COL7A1: variants seen among roughly 807,000 people sequenced by gnomAD.
COL7A1 encodes the protein collagen type VII alpha 1 chain.
COL7A1 carries 296 observed loss-of-function variants against 456.2 expected under a neutral mutation model. The ratio of observed to expected loss-of-function variants is 0.65; its 90% CI spans 0.59 to 0.71. The LOEUF (loss-of-function observed/expected upper bound fraction) is 0.71. Among genes scored for constraint, COL7A1 ranks in the 30% least tolerant of loss-of-function variants. COL7A1 has a pLI of 0.00. For synonymous variants in COL7A1, 1,464 were observed against 1,525.9 expected, an observed-to-expected ratio of 0.96 and a Z score of 0.95; for missense variants, 3,441 against 4,017.2, an observed-to-expected ratio of 0.86 and a Z score of 3.88.
Position 48,575,715 on chromosome 3 carries a change from C to G in COL7A1, c.5890G>C (p.Asp1964His), listed in dbSNP as rs1414380926. 2 of 1,613,924 alleles carry G rather than the reference C, an allele frequency of 1.2e-6. No individual in the cohort carries two copies. The highest frequency in any genetic ancestry group is 2.7e-5 in the African/African-American group (2 of 75,058). The change falls in exon 73 of 119, where the codon GAT (aspartate) becomes CAT (histidine). Residue 1964 changes from aspartate (D) to histidine (H), a missense_variant. By Grantham distance (81) the Asp-to-His change is moderately conservative. Around this residue, in one of 3 missense-constraint regions of COL7A1, gnomAD observed 2,084 missense variants for 2,501.3 expected, o/e 0.83. Coordinates refer to ENST00000681320, the MANE Select transcript of COL7A1 (RefSeq NM_000094.4). This position sits in a 1 kb window ranked among gnomAD's most constrained non-coding sequence, Gnocchi z 6.3. Reference protein sequence around the residue: ...SALREIVETWDESSGSFLPVP... With the variant: ...SALREIVETWHESSGSFLPVP... ...GGCAGGAAGCTACCAGAGCTCTCAT[C>G]CCAGGTCTCCACGATCTCCCGCAGG...
chr3:48,564,779 A>G lies in COL7A1; in HGVS notation c.8818+4T>C, dbSNP rs866959368. The G allele has an allele frequency of 6.2e-7, 1 of 1,613,336 alleles. No individual in the cohort carries two copies. Among genetic ancestry groups the G allele is most frequent in the Admixed American group, 1.7e-5 (1 of 59,988 alleles). ...GTTCCCCACGGTGGGGGCTCAGCCCATACCTGTCCCCTGGCTCTGGACCAC... is the reference window on the plus strand; with the variant it reads ...GTTCCCCACGGTGGGGGCTCAGCCCGTACCTGTCCCCTGGCTCTGGACCAC... On this transcript the variant is annotated splice_donor_region_variant and intron_variant, in intron 118 of 118. Coordinates refer to ENST00000681320, the MANE Select transcript of COL7A1 (RefSeq NM_000094.4). The surrounding 1 kb of genome is among the most constrained non-coding windows in gnomAD (Gnocchi z 6.0).
In COL7A1 at chr3:48,570,963, A is replaced by G. The variant is rs1322915563; in HGVS notation, c.7170T>C (p.Asp2390=). The G allele has an allele frequency of 6.2e-7, 1 of 1,613,436 alleles. No individual in the cohort carries two copies. Among genetic ancestry groups the G allele is most frequent in the Admixed American group, 1.7e-5 (1 of 59,920 alleles). ...GPPGPPGVKG[D]LGLPGLPGAP... The stretch of plus-strand genomic sequence containing the variant: ...CACCGGGCAGGCCAGGGAGGCCCAG[A>G]TCTCCCTGAAATAAAAACAGCAAAG... Residue 2390 remains aspartate (D), a synonymous_variant, in exon 95 of 119, where the codon GAT becomes GAC. Coordinates refer to ENST00000681320, the MANE Select transcript of COL7A1 (RefSeq NM_000094.4). This position sits in a 1 kb window ranked among gnomAD's most constrained non-coding sequence, Gnocchi z 5.5.
At position 48,583,135 on chromosome 3, in the gene COL7A1, C is replaced by T; in HGVS notation, c.4474G>A (p.Gly1492Arg). 6.2e-7 allele frequency: 1 copy of T among 1,613,956 alleles called. No individual in the cohort carries two copies. The highest frequency in any genetic ancestry group is 8.5e-7 in the Non-Finnish European group (1 of 1,180,008). ...CCCCAGGTTGCACTTACCTTCTCTC[C>T]AGCCTCACCCAGGGGCCCTGGAAAG... is the stretch of plus-strand genomic sequence containing the variant. ...RGFPGPLGEA[G>R]EKGERGPPGP... Residue 1492 changes from glycine to arginine, a missense_variant, in exon 43 of 119, where the codon GGA becomes AGA. Gly to Arg is a moderately radical substitution (Grantham distance 125). Around this residue, in one of 3 missense-constraint regions of COL7A1, gnomAD observed 2,084 missense variants for 2,501.3 expected, o/e 0.83. Coordinates refer to ENST00000681320, the MANE Select transcript of COL7A1 (RefSeq NM_000094.4). This position sits in a 1 kb window ranked among gnomAD's most constrained non-coding sequence, Gnocchi z 5.1.
Position 48,564,778 on chromosome 3 carries a change from C to A in COL7A1, c.8818+5G>T. On this transcript the variant is annotated splice_donor_5th_base_variant and intron_variant, in intron 118 of 118. Coordinates refer to ENST00000681320, the MANE Select transcript of COL7A1 (RefSeq NM_000094.4). This position sits in a 1 kb window ranked among gnomAD's most constrained non-coding sequence, Gnocchi z 6.0. ...AGTTCCCCACGGTGGGGGCTCAGCCCATACCTGTCCCCTGGCTCTGGACCA... is the reference window on the plus strand; with the variant it reads ...AGTTCCCCACGGTGGGGGCTCAGCCAATACCTGTCCCCTGGCTCTGGACCA... 1 of 1,613,306 alleles carries A rather than the reference C, an allele frequency of 6.2e-7. No individual in the cohort carries two copies. The highest frequency in any genetic ancestry group is 8.5e-7 in the Non-Finnish European group (1 of 1,179,758).
At position 48,580,747 on chromosome 3, in the gene COL7A1, AAT is replaced by A; in HGVS notation, c.4981-97_4981-96del. ...TGCCCCAGGTTCCCCATTACTCCAA[AAT>A]CCACATCAGAGGTTCCCATCACCCC... On this transcript the variant is annotated intron_variant, in intron 54 of 118. Transcript: ENST00000681320. The surrounding 1 kb of genome is among the most constrained non-coding windows in gnomAD (Gnocchi z 4.5). 6.4e-7 allele frequency: 1 copy of A among 1,567,734 alleles called. No individual in the cohort carries two copies. Among genetic ancestry groups the A allele is most frequent in the Non-Finnish European group, 8.8e-7 (1 of 1,140,636 alleles).
Position 48,568,665 on chromosome 3 carries a change from C to T in COL7A1, c.7758+119G>A. On this transcript the variant is annotated intron_variant, in intron 104 of 118. Transcript: ENST00000681320. This position sits in a 1 kb window ranked among gnomAD's most constrained non-coding sequence, Gnocchi z 5.2. ...CACACACAGATCCCGGGTGAACACA[C>T]ATGGGGCCGGCAGCAAGGGAGCCAG... The T allele has an allele frequency of 6.8e-7, 1 of 1,479,074 alleles. No homozygotes were observed. The highest frequency in any genetic ancestry group is 1.4e-5 in the African/African-American group (1 of 71,798). 91.6% of individuals were successfully genotyped at this position (1,479,074 alleles called of 1,614,324 possible).
At position 48,570,563 on chromosome 3, in the gene COL7A1, G is replaced by A. The variant is rs2107646937; in HGVS notation, c.7345-63C>T. The A allele has an allele frequency of 6.2e-7, 1 of 1,613,690 alleles. No homozygotes were observed. Among genetic ancestry groups the A allele is most frequent in the Non-Finnish European group, 8.5e-7 (1 of 1,179,722 alleles). ...AAAGCGCCTCCCCCAACACCCCACAGTGTGGCCCGCCCCATCCTAAGTCCT... is the reference window on the plus strand; with the variant it reads ...AAAGCGCCTCCCCCAACACCCCACAATGTGGCCCGCCCCATCCTAAGTCCT... On this transcript the variant is annotated intron_variant, in intron 96 of 118. Transcript: ENST00000681320. This position sits in a 1 kb window ranked among gnomAD's most constrained non-coding sequence, Gnocchi z 5.5.
chr3:48,593,709 A>G lies in COL7A1; in HGVS notation c.267-13T>C. The G allele has an allele frequency of 6.2e-7, 1 of 1,614,188 alleles. No homozygotes were observed. The highest frequency in any genetic ancestry group is 1.3e-5 in the African/African-American group (1 of 75,062). On this transcript the variant is annotated splice_polypyrimidine_tract_variant and intron_variant, in intron 3 of 118. Transcript: ENST00000681320. This position sits in a 1 kb window ranked among gnomAD's most constrained non-coding sequence, Gnocchi z 4.4. The stretch of plus-strand genomic sequence containing the variant: ...GCCGAACTCTGTCCTGTTGGAGGGT[A>G]GGGGTGGCAACAGGCTAGGACTCAG...
In COL7A1 at chr3:48,583,576, G is replaced by C; in HGVS notation, c.4381C>G (p.Pro1461Ala). The change falls in exon 41 of 119, where the codon CCT (proline) becomes GCT (alanine). Residue 1461 changes from proline to alanine, a missense_variant. Coordinates refer to ENST00000681320, the MANE Select transcript of COL7A1 (RefSeq NM_000094.4). This position sits in a 1 kb window ranked among gnomAD's most constrained non-coding sequence, Gnocchi z 5.1. ...EDGAPGLPGQ[P>A]GSPGEQGPRG... ...CTCACCTGCTCACCCGGAGACCCAG[G>C]TTGTCCTGGGAGGCCTGGAGCTCCA... 4 of 1,614,052 alleles carry C rather than the reference G, an allele frequency of 2.5e-6. No individual in the cohort carries two copies. The highest frequency in any genetic ancestry group is 3.4e-6 in the Non-Finnish European group (4 of 1,180,014).
Position 48,584,943 on chromosome 3 carries a change from G to A in COL7A1, c.3978C>T (p.Gly1326=), listed in dbSNP as rs756905816. The change falls in exon 34 of 119, where the codon GGC becomes GGT. Residue 1326 remains glycine, a splice_region_variant and synonymous_variant. Coordinates refer to ENST00000681320, the MANE Select transcript of COL7A1 (RefSeq NM_000094.4). ...CACGAGGGCCAGGCAACCCTGGAGA[G>A]CCCTGCAAATGGAGGCCAGAGGCAG... ...PGTPGAPGLK[G]SPGLPGPRGD... is the part of the protein sequence containing the mutation. The A allele has an allele frequency of 8.1e-6, 13 of 1,613,826 alleles. No individual in the cohort carries two copies. Among genetic ancestry groups the A allele is most frequent in the African/African-American group, 2.7e-5 (2 of 74,920 alleles).
Position 48,586,902 on chromosome 3 carries a change from T to C in COL7A1, c.3276+70A>G, listed in dbSNP as rs2045304492. 1 of 1,552,148 alleles carries C rather than the reference T, an allele frequency of 6.4e-7. No individual in the cohort carries two copies. The highest frequency in any genetic ancestry group is 8.7e-7 in the Non-Finnish European group (1 of 1,147,492). ...CTGAACCTATTGGGTGGTCAGGAGA[T>C]GGTAACTGGTATGGAGCCTGGGTGG... On this transcript the variant is annotated intron_variant, in intron 25 of 118. Transcript: ENST00000681320. This position sits in a 1 kb window ranked among gnomAD's most constrained non-coding sequence, Gnocchi z 5.1.
At position 48,594,291 on chromosome 3, in the gene COL7A1, C is replaced by G; in HGVS notation, c.266+77G>C. 2 of 1,560,860 alleles carry G rather than the reference C, an allele frequency of 1.3e-6. No homozygotes were observed. Among genetic ancestry groups the G allele is most frequent in the Non-Finnish European group, 1.7e-6 (2 of 1,146,646 alleles). On this transcript the variant is annotated intron_variant, in intron 3 of 118. Coordinates refer to ENST00000681320, the MANE Select transcript of COL7A1 (RefSeq NM_000094.4). This position sits in a 1 kb window ranked among gnomAD's most constrained non-coding sequence, Gnocchi z 5.5. ...TCTGCAAAGACCTGGCCTGGGGTTT[C>G]CAGGGTCTCCTCCCTCTCTGGGGAA... is the stretch of plus-strand genomic sequence containing the variant.
In COL7A1 at chr3:48,567,981, C is replaced by T; in HGVS notation, c.7876-90G>A. On this transcript the variant is annotated intron_variant, in intron 106 of 118. Coordinates refer to ENST00000681320, the MANE Select transcript of COL7A1 (RefSeq NM_000094.4). The surrounding 1 kb of genome is among the most constrained non-coding windows in gnomAD (Gnocchi z 4.3). ...TGAAACTAACTCTCCAAACAGGCCT[C>T]AGCTACTCCAACCTCTGACCCAGTG... The T allele has an allele frequency of 6.2e-7, 1 of 1,601,098 alleles. No homozygotes were observed. The highest frequency in any genetic ancestry group is 8.6e-7 in the Non-Finnish European group (1 of 1,168,742).
In COL7A1 at chr3:48,575,106, T is replaced by C; in HGVS notation, c.6237A>G (p.Gly2079=). The change falls in exon 76 of 119, where the codon GGA becomes GGG. Residue 2079 remains glycine, a synonymous_variant. Coordinates refer to ENST00000681320, the MANE Select transcript of COL7A1 (RefSeq NM_000094.4). The surrounding 1 kb of genome is among the most constrained non-coding windows in gnomAD (Gnocchi z 6.3). ...RGEQGRDGPP[G]LPGTPGPPGP... ...CGGGGGGCCCAGGGGTTCCAGGGAG[T>C]CCAGGAGGGCCATCTCTGCCCTGCA... 6.2e-7 allele frequency: 1 copy of C among 1,611,596 alleles called. No individual in the cohort carries two copies. Among genetic ancestry groups the C allele is most frequent in the Non-Finnish European group, 8.5e-7 (1 of 1,179,304 alleles).
At position 48,568,055 on chromosome 3, in the gene COL7A1, T is replaced by G. The variant is rs371269263; in HGVS notation, c.7875+35A>C. 3 of 1,613,488 alleles carry G rather than the reference T, an allele frequency of 1.9e-6. No individual in the cohort carries two copies. The highest frequency in any genetic ancestry group is 2.5e-6 in the Non-Finnish European group (3 of 1,179,404). On this transcript the variant is annotated intron_variant, in intron 106 of 118. Coordinates refer to ENST00000681320, the MANE Select transcript of COL7A1 (RefSeq NM_000094.4). The surrounding 1 kb of genome is among the most constrained non-coding windows in gnomAD (Gnocchi z 5.2). ...CTCGCCCTTCAACATTAGGCCTTCC[T>G]GACCAGAAAAAAACCAATCTTGTTT...
In COL7A1 at chr3:48,572,352, C is replaced by T. The variant is rs768819741; in HGVS notation, c.6978+28G>A. 26 of 1,614,164 alleles carry T rather than the reference C, an allele frequency of 1.6e-5. No individual in the cohort carries two copies. The highest frequency in any genetic ancestry group is 2.2e-5 in the Non-Finnish European group (26 of 1,180,008). Reference sequence around the variant, plus strand: ...CACTGGAGAGACAGGACCCCCAGAACATCTGCTGTCAGAAGTTCCCTACTT... The same window carrying T: ...CACTGGAGAGACAGGACCCCCAGAATATCTGCTGTCAGAAGTTCCCTACTT... On this transcript the variant is annotated intron_variant, in intron 90 of 118. Coordinates refer to ENST00000681320, the MANE Select transcript of COL7A1 (RefSeq NM_000094.4). The surrounding 1 kb of genome is among the most constrained non-coding windows in gnomAD (Gnocchi z 4.6).
At chr3:48,582,301 G>C in intron 47 of COL7A1, 22 bp downstream of exon 47, 1 of 1,613,920 alleles carries the variant, frequency 6.2e-7, no homozygotes. Context: ...TGTGCTCAGA[G>C]CGCCATCCTC....
rs2043585598 is a variant in COL7A1, at chr3:48,565,892, G to A, written c.8408-224C>T. 6.6e-6 allele frequency among the ~76,000 whole-genome samples: 1 copy of A among 152,138 alleles called. No homozygotes were observed. The highest frequency in any genetic ancestry group is 1.5e-5 in the Non-Finnish European group (1 of 68,022). ...TTGGGAACAGGCCAACAAAAGGCAA[G>A]AGACAGAAGCAGGCCAGACACAGAA... On this transcript the variant is annotated intron_variant, in intron 114 of 118. Coordinates refer to ENST00000681320, the MANE Select transcript of COL7A1 (RefSeq NM_000094.4). The surrounding 1 kb of genome is among the most constrained non-coding windows in gnomAD (Gnocchi z 4.5).
At position 48,589,130 on chromosome 3, in the gene COL7A1, G is replaced by A. The variant is rs1395253260; in HGVS notation, c.2315-135C>T. On this transcript the variant is annotated intron_variant, in intron 18 of 118. Coordinates refer to ENST00000681320, the MANE Select transcript of COL7A1 (RefSeq NM_000094.4). The stretch of plus-strand genomic sequence containing the variant: ...CACTTTAGGCAGCCCTGAGGAGGAG[G>A]AGGTCAGTGCCTTGGGGTGGGCAGT... 35 of 1,521,236 alleles carry A rather than the reference G, an allele frequency of 2.3e-5. No homozygotes were observed. In the South Asian group the frequency reaches 3.2e-4, roughly 14 times the overall value. The allele number at this position is 1,521,236 out of a possible 1,614,324, so 94.2% of individuals were successfully genotyped here. A position where few individuals can be genotyped will look rare whatever the true frequency, so the allele number is the denominator to read the frequency against.
Sources: allele counts gnomAD v4.1 joint callset (sites outside exome capture counted in the v4.1 genomes callset), GRCh38; gene constraint gnomAD v4.1.1; regional missense constraint gnomAD v4.1.1; non-coding constraint Gnocchi (gnomAD v3.1); transcripts MANE v1.5; gene names NCBI Gene and HGNC (gene_info 2026-07-23, HGNC 2026-07-21).